ITPR1: variants seen among roughly 807,000 people sequenced by gnomAD.
ITPR1 encodes the protein inositol 1,4,5-trisphosphate-gated calcium channel ITPR1.
ITPR1 carries 96 observed loss-of-function variants against 318.4 expected under a neutral mutation model. The observed-to-expected ratio is 0.30, with a 90% CI of 0.26 to 0.36. ITPR1 has a LOEUF of 0.36. ITPR1 is among the 10% of genes least tolerant of loss of function. ITPR1 has a pLI of 1.00. For missense variants in ITPR1, 2,440 were observed against 3,460.2 expected, an observed-to-expected ratio of 0.71 and a Z score of 7.40; for synonymous variants, 1,312 against 1,289.9, an observed-to-expected ratio of 1.02 and a Z score of -0.37.
rs2082471612 is a variant in ITPR1 at position 4,520,438 on chromosome 3, C to A, written c.93-586C>A. On this transcript the variant is annotated intron_variant, in intron 3 of 61. Transcript: ENST00000649015. ...AGTTTGTGCTCATGGTTCTTTCCAC[C>A]TGGAAACGCTCCCCTCTAGCCTCCA... Among the ~76,000 whole-genome samples, 5 of 152,146 alleles carry A rather than the reference C, an allele frequency of 3.3e-5. No homozygotes were observed. In the South Asian group the frequency reaches 1.0e-3, roughly 32 times the overall value.
intron 46 of ITPR1, 149 bp downstream of exon 46, chr3:4,768,913 TTTTTC>T: frequency 2.1e-5 from 15 of 726,916 alleles, no homozygotes; most frequent in Admixed American, 6.3e-5. Flanking sequence ...TCTTTTTTCT[TTTTTC>T]TTTTTTTTTG....
Position 4,811,249 on chromosome 3 carries a change from T to A in ITPR1, c.7273-16T>A. ...ACATCAAGGCTTCTTAAAATTCTTT[T>A]TGTTTGTTTTCAAAGCTTTTTGATT... On this transcript the variant is annotated splice_polypyrimidine_tract_variant and intron_variant, in intron 55 of 61. Transcript: ENST00000649015. The A allele has an allele frequency of 1.3e-6, 2 of 1,523,352 alleles. No homozygotes were observed. Among genetic ancestry groups the A allele is most frequent in the Non-Finnish European group, 1.8e-6 (2 of 1,134,626 alleles). 94.4% of individuals were successfully genotyped at this position (1,523,352 alleles called of 1,614,324 possible).
intron 61 of ITPR1, among the ~76,000 whole-genome samples, chr3:4,841,840 A>G (rs2051368269): frequency 6.6e-6 from 1 of 152,248 alleles, no homozygotes; most frequent in African/African-American, 2.4e-5. Flanking sequence ...GTATCTATAC[A>G]TTGATAGTAA....
At chr3:4,499,046 CAG>C (rs1277121508) in intron 2 of ITPR1, among the ~76,000 whole-genome samples, 2 of 152,158 alleles carry the variant, frequency 1.3e-5, no homozygotes, top group Non-Finnish European at 2.9e-5. Flanking sequence ...CTCGGCTACT[CAG>C]GGGACGGAGG....
chr3:4,534,379 C>G (rs928788373), intron 4 of ITPR1, among the ~76,000 whole-genome samples: 17 of 152,166 alleles, frequency 1.1e-4, no homozygotes, highest in East Asian at 7.7e-4. Flanking sequence ...GTGGAGGCAT[C>G]TCTCCCCAAG....
At chr3:4,661,902 G>C (rs149369589) in intron 14 of ITPR1, among the ~76,000 whole-genome samples, 180 bp from the exon 15 acceptor site, 1 of 152,232 alleles carries the variant, frequency 6.6e-6, no homozygotes, top group East Asian at 1.9e-4. Context: ...CCAATTTCCA[G>C]AGATAACAAC....
intron 4 of ITPR1, among the ~76,000 whole-genome samples, chr3:4,525,343 A>G (rs2082893261): frequency 6.6e-6 from 1 of 152,236 alleles, no homozygotes; most frequent in African/African-American, 2.4e-5. Context: ...CACAGTAGAT[A>G]TAGAAGAGTT....
intron 44 of ITPR1, among the ~76,000 whole-genome samples, chr3:4,744,920 CCTTCCTTCCTTCCTTCCTTCCTT>C: frequency 2.8e-5 from 1 of 35,318 alleles, no homozygotes; most frequent in Non-Finnish European, 6.2e-5. Context: ...TTCCTTCCTT[CCTTCCTTCCTTCCTTCCTTCCTT>C]CCTTCCCTCC....
chr3:4,566,604 G>GCACGCA (rs1553626571), intron 4 of ITPR1, among the ~76,000 whole-genome samples: 6 of 140,898 alleles, frequency 4.3e-5, no homozygotes, highest in African/African-American at 8.1e-5. Context: ...GGGGACACAT[G>GCACGCA]CACACACACA....
chr3:4,673,532 T>C, intron 21 of ITPR1, 145 bp downstream of exon 21: 1 of 906,994 alleles, frequency 1.1e-6, no homozygotes, highest in Non-Finnish European at 1.6e-6. Context: ...TGGCAAATAT[T>C]TTTTTCCTCA....
chr3:4,830,956 C>G (rs1274406718), intron 60 of ITPR1: 1 of 456,650 alleles, frequency 2.2e-6, no homozygotes, highest in Non-Finnish European at 4.4e-6. Context: ...CCTGAGCAGA[C>G]TTTCTCTGAG....
At position 4,680,150 on chromosome 3, in the gene ITPR1, A is replaced by AT. The variant is rs201437352; in HGVS notation, c.2968-394dup. The stretch of plus-strand genomic sequence containing the variant: ...GCTAATTTTCCATAGTAAAAAACAA[A>AT]TTTTTTTTTGTTAATTCTCTTAAAT... On this transcript the variant is annotated intron_variant, in intron 24 of 61. Transcript: ENST00000649015. 3.9e-3 allele frequency among the ~76,000 whole-genome samples: 589 copies of AT among 151,870 alleles called. 4 individuals are homozygous for AT. Among genetic ancestry groups the AT allele is most frequent in the Middle Eastern group, 0.014 (4 of 294 alleles).
intron 2 of ITPR1, among the ~76,000 whole-genome samples, chr3:4,507,216 A>G (rs2081457500): frequency 6.6e-6 from 1 of 151,732 alleles, no homozygotes; most frequent in Non-Finnish European, 1.5e-5. Context: ...TGTGCCTTGC[A>G]GCCTCTGGAA....
chr3:4,563,722 TC>T (rs1328280949), intron 4 of ITPR1, among the ~76,000 whole-genome samples: 1 of 152,154 alleles, frequency 6.6e-6, no homozygotes, highest in East Asian at 1.9e-4. Flanking sequence ...CTAGATTTTT[TC>T]ATGCGGATAT....
chr3:4,594,114 G>A (rs913244518), intron 4 of ITPR1, among the ~76,000 whole-genome samples: 1 of 152,118 alleles, frequency 6.6e-6, no homozygotes, highest in Admixed American at 6.5e-5. Flanking sequence ...CATTGGCTTG[G>A]GGAGATACAA....
At chr3:4,628,209 C>A (rs1051934537) in intron 5 of ITPR1, among the ~76,000 whole-genome samples, 3 of 152,224 alleles carry the variant, frequency 2.0e-5, no homozygotes, top group African/African-American at 7.2e-5. Context: ...CTCTTGGGCA[C>A]GTTATGTGCT....
At chr3:4,570,728 G>A (rs188361859) in intron 4 of ITPR1, among the ~76,000 whole-genome samples, 13 of 152,062 alleles carry the variant, frequency 8.5e-5, no homozygotes, top group South Asian at 2.1e-4. Flanking sequence ...ATTACTTACC[G>A]TCCATATTTG....
chr3:4,818,031 CT>C, intron 59 of ITPR1, 50 bp from the exon 60 acceptor site: 1 of 1,485,032 alleles, frequency 6.7e-7, no homozygotes, highest in Non-Finnish European at 9.0e-7. Context: ...GATTTTTTTT[CT>C]TTACCAAGGC....
intron 33 of ITPR1, among the ~76,000 whole-genome samples, chr3:4,694,492 G>T (rs114364422): frequency 2.6e-5 from 4 of 152,024 alleles, no homozygotes. Flanking sequence ...TCGCTTAGTG[G>T]TGGGGATATC....
Sources: gnomAD v4.1 joint callset for allele counts (sites outside exome capture counted in the v4.1 genomes callset) on GRCh38, gnomAD v4.1.1 for gene constraint, MANE v1.5 for transcripts, NCBI Gene and HGNC (gene_info 2026-07-23, HGNC 2026-07-21) for gene names.